Variants in DHX35 observed in about 807,000 individuals in gnomAD.
DHX35 encodes DEAH-box helicase 35.
A neutral mutation model predicts 99.6 loss-of-function variants in DHX35; 84 were observed. That is an observed-to-expected ratio of 0.84 (90% CI 0.71 to 1.01). The LOEUF (loss-of-function observed/expected upper bound fraction) is 1.01. Ranked by LOEUF, DHX35 falls within the 50% of genes least tolerant of loss-of-function variation. The pLI, the probability that DHX35 is intolerant of heterozygous loss-of-function variation, is 0.00. For synonymous variants in DHX35, 331 were observed against 316.2 expected (o/e 1.05, Z -0.50); for missense variants, 852 against 888.5 (o/e 0.96, Z 0.52).
At chr20:38,990,685 A>G (rs1340279585) in intron 5 of DHX35, among the ~76,000 whole-genome samples, 5 of 152,202 alleles carry the variant, frequency 3.3e-5, no homozygotes, top group South Asian at 4.1e-4. Context: ...TTTAAAATAT[A>G]TGGGAGGGTA....
Position 38,969,153 on chromosome 20 carries a change from T to C in DHX35, c.113T>C (p.Val38Ala), listed in dbSNP as rs771123311. 1 of 1,613,972 alleles carries C rather than the reference T, an allele frequency of 6.2e-7. No individual in the cohort carries two copies. The highest frequency in any genetic ancestry group is 1.7e-5 in the Admixed American group (1 of 60,026). The change falls in exon 2 of 22, where the codon GTT (valine) becomes GCT (alanine). Residue 38 changes from valine (V) to alanine (A), a missense_variant. Physicochemically the swap from Val to Ala is moderately conservative, Grantham distance 64. Coordinates refer to ENST00000252011, the MANE Select transcript of DHX35 (RefSeq NM_021931.4). ...SLAENSGTTV[V>A]YNPYAALSIE... is the part of the protein sequence containing the mutation. ...GCTGAAAACTCTGGGACAACGGTTG[T>C]TTACAACCCTTATGCTGCCCTTTCC... is the stretch of plus-strand genomic sequence containing the variant.
chr20:38,968,744 G>T (rs562961656), intron 1 of DHX35, among the ~76,000 whole-genome samples: 1 of 152,104 alleles, frequency 6.6e-6, no homozygotes, highest in South Asian at 2.1e-4. Context: ...TACAGGTGGG[G>T]TTTCACCTTG....
rs567834406 is a variant in DHX35, at chr20:39,025,250, G to A, written c.1692G>A (p.Trp564Ter). The A allele has an allele frequency of 1.2e-6, 2 of 1,613,020 alleles. No homozygotes were observed. Among genetic ancestry groups the A allele is most frequent in the African/African-American group, 1.3e-5 (1 of 74,990 alleles). The change falls in exon 18 of 22, where the codon TGG becomes TGA. Residue 564 changes from tryptophan to a stop codon, truncating the protein, a stop_gained. Coordinates refer to ENST00000252011, the MANE Select transcript of DHX35 (RefSeq NM_021931.4). LOFTEE classifies it high-confidence loss of function. The part of the protein sequence containing the change: ...AFIKHNKDSK[W>*]CQEHFLNYKG... ...TGTAGCACAATAAGGACTCTAAATG[G>A]TGTCAGGAACATTTCCTGAATTACA...
intron 14 of DHX35, among the ~76,000 whole-genome samples, chr20:39,016,008 G>C (rs1490369344): frequency 6.6e-6 from 1 of 152,188 alleles, no homozygotes; most frequent in African/African-American, 2.4e-5. Flanking sequence ...TCTGTCTGCT[G>C]TTGCTATAAC....
chr20:39,010,480 G>A, intron 13 of DHX35, 76 bp downstream of exon 13: 3 of 1,563,600 alleles, frequency 1.9e-6, no homozygotes, highest in Non-Finnish European at 2.6e-6. Context: ...TTGTCGTAGG[G>A]CATGCCATCT....
chr20:39,030,735 C>T lies in DHX35; in HGVS notation c.1915C>T (p.His639Tyr). Residue 639 changes from histidine to tyrosine, a missense_variant, in exon 20 of 22, where the codon CAC (histidine) becomes TAC (tyrosine). By Grantham distance (83) the His-to-Tyr change is moderately conservative. Coordinates refer to ENST00000252011, the MANE Select transcript of DHX35 (RefSeq NM_021931.4). ...TIRDDHELHI[H>Y]PASVLYAEKP... ...CCGTGATGACCATGAGCTGCACATA[C>T]ACCCTGCGTCAGTCCTCTATGCAGA... is the stretch of plus-strand genomic sequence containing the variant. The T allele has an allele frequency of 6.2e-7, 1 of 1,614,188 alleles. No individual in the cohort carries two copies. The highest frequency in any genetic ancestry group is 8.5e-7 in the Non-Finnish European group (1 of 1,180,044).
intron 8 of DHX35, among the ~76,000 whole-genome samples, chr20:38,995,385 G>T (rs1042433589): frequency 6.6e-6 from 1 of 152,082 alleles, no homozygotes; most frequent in Non-Finnish European, 1.5e-5. Flanking sequence ...TTAGCTGGGC[G>T]TAGTAGTACA....
At chr20:39,003,294 G>A (rs1166297724) in intron 10 of DHX35, among the ~76,000 whole-genome samples, 3 of 152,254 alleles carry the variant, frequency 2.0e-5, no homozygotes, top group South Asian at 4.2e-4. Context: ...CCAAGTGCTC[G>A]CTGACGGTGG....
chr20:39,007,998 A>G (rs1375284549), intron 12 of DHX35, among the ~76,000 whole-genome samples: 1 of 152,214 alleles, frequency 6.6e-6, no homozygotes, highest in Non-Finnish European at 1.5e-5. Context: ...GTTTCAGAAC[A>G]TTTCAGCCAC....
At chr20:38,985,187 A>G (rs2086231709) in intron 4 of DHX35, among the ~76,000 whole-genome samples, 1 of 152,086 alleles carries the variant, frequency 6.6e-6, no homozygotes, top group Admixed American at 6.6e-5. Context: ...GTTTGAGAAC[A>G]GCCTGGGCAA....
intron 15 of DHX35, among the ~76,000 whole-genome samples, chr20:39,020,100 G>A (rs2086849387): frequency 6.6e-6 from 1 of 152,100 alleles, no homozygotes; most frequent in East Asian, 1.9e-4. Flanking sequence ...TTATTTCATT[G>A]TGTGTGTACA....
At chr20:39,014,991 G>A in intron 14 of DHX35, 57 bp downstream of exon 14, 2 of 1,596,736 alleles carry the variant, frequency 1.3e-6, no homozygotes, top group Admixed American at 1.7e-5. Flanking sequence ...TGTGATATTA[G>A]TGAGGTCATA....
chr20:39,005,298 A>G (rs1452719955), intron 11 of DHX35, among the ~76,000 whole-genome samples: 1 of 152,216 alleles, frequency 6.6e-6, no homozygotes, highest in Non-Finnish European at 1.5e-5. Context: ...CAGAGACCAC[A>G]TATGATTGCA....
At chr20:38,981,943 C>CAAAAAAAAAAAAAAAAA (rs1161300647) in intron 3 of DHX35, among the ~76,000 whole-genome samples, 1 of 87,282 alleles carries the variant, frequency 1.1e-5, no homozygotes, top group Non-Finnish European at 2.4e-5. Context: ...GACTCTGTCT[C>CAAAAAAAAAAAAAAAAA]AAAAAAAAAA....
intron 2 of DHX35, 74 bp from the exon 3 acceptor site, chr20:38,972,485 A>G (rs2086017473): frequency 1.1e-6 from 1 of 934,138 alleles, no homozygotes; most frequent in East Asian, 2.5e-5. Context: ...CTCATTTCAC[A>G]ATGTTTAAAT....
At chr20:38,965,130 A>G (rs1238134268) in intron 1 of DHX35, among the ~76,000 whole-genome samples, 1 of 152,262 alleles carries the variant, frequency 6.6e-6, no homozygotes, top group Non-Finnish European at 1.5e-5. Context: ...GAATTCCAGC[A>G]TGCATCAAAA....
At chr20:39,023,800 A>C in intron 17 of DHX35, 33 bp downstream of exon 17, 1 of 1,566,030 alleles carries the variant, frequency 6.4e-7, no homozygotes, top group South Asian at 1.1e-5. Flanking sequence ...GTGCCGCCTC[A>C]ACACACCACC....
intron 4 of DHX35, among the ~76,000 whole-genome samples, chr20:38,987,683 T>C (rs2086271527): frequency 6.6e-6 from 1 of 152,272 alleles, no homozygotes; most frequent in Non-Finnish European, 1.5e-5. Flanking sequence ...GATTCATTTT[T>C]CTCTTTCCTG....
intron 4 of DHX35, among the ~76,000 whole-genome samples, 187 bp downstream of exon 4, chr20:38,983,963 G>A (rs1263706218): frequency 2.0e-5 from 3 of 152,132 alleles, no homozygotes; most frequent in Non-Finnish European, 4.4e-5. Flanking sequence ...AGGCTGGGGT[G>A]CAATGGAGCT....
Sources: gnomAD v4.1 joint callset for allele counts (sites outside exome capture counted in the v4.1 genomes callset) on GRCh38, gnomAD v4.1.1 for gene constraint, MANE v1.5 for transcripts, NCBI Gene and HGNC (gene_info 2026-07-23, HGNC 2026-07-21) for gene names.